Variants in DNAJC3 observed in about 807,000 individuals in gnomAD.
DNAJC3 encodes dnaJ homolog subfamily C member 3.
In DNAJC3, 38 loss-of-function variants were observed where a neutral mutation model predicts 68.6. The ratio of observed to expected loss-of-function variants is 0.55; its 90% CI spans 0.43 to 0.73. The LOEUF is 0.73. DNAJC3 is among the 30% of genes least tolerant of loss of function. The pLI is 0.00. For synonymous variants in DNAJC3, 203 were observed against 204.0 expected (o/e 1.00, Z 0.04); for missense variants, 526 against 591.9 (o/e 0.89, Z 1.16).
chr13:95,680,718 G>A (rs1879888556), intron 1 of DNAJC3, among the ~76,000 whole-genome samples: 1 of 151,986 alleles, frequency 6.6e-6, no homozygotes, highest in Non-Finnish European at 1.5e-5. Context: ...GGGATGCACT[G>A]TAGTAATTAG....
At position 95,769,383 on chromosome 13, in the gene DNAJC3, G is replaced by T. The variant is rs369599019; in HGVS notation, c.1075+5430G>T. Among the ~76,000 whole-genome samples, 6 of 152,298 alleles carry T rather than the reference G, an allele frequency of 3.9e-5. No individual in the cohort carries two copies. In the East Asian group the frequency reaches 7.7e-4, roughly 20 times the overall value. ...GGCTTCTGTTTATGTGGAGGACAAG[G>T]GGTAGAGATTGGTCTTTGTTGGAAG... On this transcript the variant is annotated intron_variant, in intron 9 of 11. Transcript: ENST00000602402.
At chr13:95,740,396 G>A (rs1473043018) in intron 4 of DNAJC3, among the ~76,000 whole-genome samples, 3 of 152,272 alleles carry the variant, frequency 2.0e-5, no homozygotes, top group East Asian at 1.9e-4. Context: ...AATGGCGGGC[G>A]CCCCTCCCCC....
At chr13:95,768,378 A>G (rs1370696356) in intron 9 of DNAJC3, among the ~76,000 whole-genome samples, 1 of 152,156 alleles carries the variant, frequency 6.6e-6, no homozygotes, top group Non-Finnish European at 1.5e-5. Context: ...TGTATAAACA[A>G]TATTGTGTGG....
chr13:95,775,746 G>A (rs1883274107), intron 9 of DNAJC3, among the ~76,000 whole-genome samples: 1 of 152,118 alleles, frequency 6.6e-6, no homozygotes, highest in African/African-American at 2.4e-5. Context: ...TGAATCCTTA[G>A]AGAAGGAGAT....
intron 4 of DNAJC3, among the ~76,000 whole-genome samples, chr13:95,750,537 T>G (rs1429030414): frequency 9.9e-5 from 15 of 150,908 alleles, no homozygotes; most frequent in Non-Finnish European, 2.2e-4. Context: ...TGAGATGGAG[T>G]TTTGGTCTGT....
chr13:95,702,749 AT>A (rs1415240301), intron 1 of DNAJC3, among the ~76,000 whole-genome samples: 8 of 152,196 alleles, frequency 5.3e-5, no homozygotes, highest in African/African-American at 1.9e-4. Context: ...AGTTTATGGT[AT>A]TTTTGTTATA....
At chr13:95,715,285 C>G (rs1231682492) in intron 2 of DNAJC3, among the ~76,000 whole-genome samples, 1 of 152,102 alleles carries the variant, frequency 6.6e-6, no homozygotes. Flanking sequence ...CACCTGTAGT[C>G]CTAGCTACTT....
In DNAJC3 at chr13:95,760,066, G is replaced by A. The variant is rs780367301; in HGVS notation, c.573G>A (p.Arg191=). The A allele has an allele frequency of 6.2e-7, 1 of 1,605,432 alleles. No individual in the cohort carries two copies. Among genetic ancestry groups the A allele is most frequent in the South Asian group, 1.1e-5 (1 of 89,750 alleles). ...TTTGTGTTTGGGATGCAGAACTACG[G>A]GAACTTCGAGCTGAATGTTTTATAA... The part of the protein sequence containing the change: ...LEVCVWDAEL[R]ELRAECFIKE... The change falls in exon 6 of 12, where the codon CGG becomes CGA. Residue 191 remains arginine, a synonymous_variant. Transcript: ENST00000602402.
Position 95,692,042 on chromosome 13 carries a change from A to ATGGAAAGAGAGGGAGAGGGAGACCG in DNAJC3, c.82+14754_82+14778dup, listed in dbSNP as rs1323161247. Among the ~76,000 whole-genome samples the ATGGAAAGAGAGGGAGAGGGAGACCG allele has an allele frequency of 4.4e-4, 64 of 146,394 alleles. 1 individual carries two copies. Among genetic ancestry groups the ATGGAAAGAGAGGGAGAGGGAGACCG allele is most frequent in the African/African-American group, 1.4e-3 (51 of 36,248 alleles). ...TTCAGCTCGGCATCAGAGGGAGACC[A>ATGGAAAGAGAGGGAGAGGGAGACCG]TGGAAAGAGAGGGAGAGGGAGACCG... On this transcript the variant is annotated intron_variant, in intron 1 of 11. Transcript: ENST00000602402.
chr13:95,763,780 A>G lies in DNAJC3; in HGVS notation c.954+32A>G, dbSNP rs1420133998. ...GTTGACTTGTTCCCAGAAATGTGAA[A>G]ACTCAACATGTGGAATACCAACCAT... On this transcript the variant is annotated intron_variant, in intron 8 of 11. Coordinates refer to ENST00000602402, the MANE Select transcript of DNAJC3 (RefSeq NM_006260.5). The G allele has an allele frequency of 4.3e-6, 7 of 1,613,638 alleles. No homozygotes were observed. The African/African-American group carries it at 8.0e-5, about 18-fold the overall frequency.
intron 9 of DNAJC3, among the ~76,000 whole-genome samples, chr13:95,764,671 T>TATATATATATATAC (rs1281522291): frequency 8.2e-6 from 1 of 122,574 alleles, no homozygotes; most frequent in African/African-American, 3.5e-5. Flanking sequence ...TATATATATA[T>TATATATATATATAC]ATATATATAT....
intron 6 of DNAJC3, 132 bp downstream of exon 6, chr13:95,760,353 AT>A: frequency 1.2e-6 from 1 of 852,734 alleles, no homozygotes; most frequent in Non-Finnish European, 1.6e-6. Flanking sequence ...TTGTATATCC[AT>A]TTATATATTT....
Position 95,792,740 on chromosome 13 carries a change from C to G in DNAJC3, c.*1710C>G, listed in dbSNP as rs1222732300. On this transcript the variant is annotated 3_prime_UTR_variant, in exon 12 of 12. Coordinates refer to ENST00000602402, the MANE Select transcript of DNAJC3 (RefSeq NM_006260.5). ...TTCATTTTGCTTTAATGTTTCAATT[C>G]AAGCCGGTGTAAAAATAATTTCCAA... 1.3e-5 allele frequency: 2 copies of G among 152,192 alleles called. No homozygotes were observed. Among genetic ancestry groups the G allele is most frequent in the Non-Finnish European group, 2.9e-5 (2 of 68,030 alleles). 9.4% of individuals were successfully genotyped at this position (152,192 alleles called of 1,614,324 possible).
chr13:95,760,843 G>A (rs763062979), intron 7 of DNAJC3, 45 bp downstream of exon 7: 29 of 1,589,562 alleles, frequency 1.8e-5, no homozygotes, highest in African/African-American at 1.1e-4. Context: ...CCTTATGTGC[G>A]GGGCTGTGGG....
At chr13:95,789,901 T>G (rs1425064984) in intron 11 of DNAJC3, among the ~76,000 whole-genome samples, 1 of 152,216 alleles carries the variant, frequency 6.6e-6, no homozygotes, top group African/African-American at 2.4e-5. Flanking sequence ...CTTTTTTTCA[T>G]ATGATTGTTG....
chr13:95,791,088 G>C lies in DNAJC3; in HGVS notation c.*58G>C, dbSNP rs1001106883. The C allele has an allele frequency of 6.3e-7, 1 of 1,583,780 alleles. No homozygotes were observed. The highest frequency in any genetic ancestry group is 8.6e-7 in the Non-Finnish European group (1 of 1,165,468). On this transcript the variant is annotated 3_prime_UTR_variant, in exon 12 of 12. Transcript: ENST00000602402. ...TAAAGATTAAAAACAAAGAAATCTTGTTCCGGGACCCTAATGAAAAAAAAT... is the reference window on the plus strand; with the variant it reads ...TAAAGATTAAAAACAAAGAAATCTTCTTCCGGGACCCTAATGAAAAAAAAT...
rs1015108752 is a variant in DNAJC3, at chr13:95,784,061, G to A, written c.1076-1878G>A. ...TTGCATTTGGCTGTCTCAGTCTTAG[G>A]CCAATATCTTTCTCATTTTAATCTG... On this transcript the variant is annotated intron_variant, in intron 9 of 11. Transcript: ENST00000602402. 3.4e-4 allele frequency among the ~76,000 whole-genome samples: 51 copies of A among 152,178 alleles called. 1 individual carries two copies. Among genetic ancestry groups the A allele is most frequent in the African/African-American group, 1.2e-3 (49 of 41,436 alleles).
chr13:95,779,269 G>A (rs559762273), intron 9 of DNAJC3, among the ~76,000 whole-genome samples: 1 of 151,256 alleles, frequency 6.6e-6, no homozygotes. Flanking sequence ...GACTACAGGC[G>A]CCCGCCACCA....
At chr13:95,691,288 A>G (rs2139605398) in intron 1 of DNAJC3, among the ~76,000 whole-genome samples, 1 of 146,396 alleles carries the variant, frequency 6.8e-6, no homozygotes, top group East Asian at 2.2e-4. Flanking sequence ...GGGGCTCCTC[A>G]CTTCTCAGAC....
Sources: gnomAD v4.1 joint callset for allele counts (sites outside exome capture counted in the v4.1 genomes callset) on GRCh38, gnomAD v4.1.1 for gene constraint, MANE v1.5 for transcripts, NCBI Gene and HGNC (gene_info 2026-07-23, HGNC 2026-07-21) for gene names.